Variants in THSD7B observed in about 807,000 individuals in gnomAD.
The protein encoded by THSD7B is thrombospondin type-1 domain-containing protein 7B.
Under a neutral mutation model 213.6 loss-of-function variants are expected in THSD7B, and 138 were observed. The observed-to-expected ratio is 0.65, with a 90% CI of 0.56 to 0.74. THSD7B has a LOEUF of 0.74. Ranked by LOEUF, THSD7B falls within the 30% of genes least tolerant of loss-of-function variation. The probability of loss-of-function intolerance (pLI) is 0.00; values close to 1 mark genes in which losing one functional copy is unlikely to be tolerated. For synonymous variants in THSD7B, 742 were observed against 687.0 expected (o/e 1.08, Z -1.25); for missense variants, 1,931 against 1,991.5 (o/e 0.97, Z 0.58).
intron 1 of THSD7B, among the ~76,000 whole-genome samples, chr2:136,823,839 T>C (rs910206793): frequency 1.3e-5 from 2 of 152,232 alleles, no homozygotes; most frequent in Non-Finnish European, 2.9e-5. Context: ...TTTCTTCCTT[T>C]GAATTGTCCC....
intron 2 of THSD7B, among the ~76,000 whole-genome samples, chr2:137,010,435 T>A (rs1686208791): frequency 1.3e-5 from 2 of 152,180 alleles, no homozygotes; most frequent in Admixed American, 1.3e-4. Context: ...ATAACAGTAA[T>A]GTCTACCTCC....
intron 2 of THSD7B, chr2:136,990,800 A>G: frequency 9.0e-6 from 9 of 1,000,696 alleles, no homozygotes; most frequent in Non-Finnish European, 1.3e-5. Context: ...AGGACACGCC[A>G]CAGTGCCTGG....
intron 12 of THSD7B, among the ~76,000 whole-genome samples, chr2:137,365,428 A>G (rs1242163282): frequency 6.6e-6 from 1 of 152,252 alleles, no homozygotes; most frequent in Non-Finnish European, 1.5e-5. Flanking sequence ...GCACAGCAAA[A>G]GAAACTACCA....
chr2:137,450,005 G>A (rs750367892), intron 14 of THSD7B, among the ~76,000 whole-genome samples: 6 of 152,138 alleles, frequency 3.9e-5, no homozygotes, highest in Non-Finnish European at 8.8e-5. Flanking sequence ...AGTTAATCGG[G>A]AAAGGAACAC....
chr2:137,501,250 C>T (rs1679696272), intron 15 of THSD7B, among the ~76,000 whole-genome samples: 1 of 152,042 alleles, frequency 6.6e-6, no homozygotes, highest in African/African-American at 2.4e-5. Context: ...GAAGATTATT[C>T]ACATAGTGAA....
chr2:136,832,313 G>A (rs560360012), intron 1 of THSD7B, among the ~76,000 whole-genome samples: 4 of 152,204 alleles, frequency 2.6e-5, no homozygotes, highest in Admixed American at 2.6e-4. Flanking sequence ...GGAAAAGCTG[G>A]TGGTGTAGTT....
At chr2:137,214,130 C>T (rs1338074643) in intron 7 of THSD7B, among the ~76,000 whole-genome samples, 7 of 151,984 alleles carry the variant, frequency 4.6e-5, no homozygotes, top group Admixed American at 2.6e-4. Context: ...GATAATAACT[C>T]GTTCATTTTT....
At chr2:136,819,759 C>CGAA (rs934295456) in intron 1 of THSD7B, among the ~76,000 whole-genome samples, 8 of 152,106 alleles carry the variant, frequency 5.3e-5, no homozygotes, top group Admixed American at 4.6e-4. Flanking sequence ...AATGCATTTC[C>CGAA]TCTCCCTCCC....
chr2:137,314,635 G>A (rs1684034482), intron 12 of THSD7B, among the ~76,000 whole-genome samples: 1 of 152,132 alleles, frequency 6.6e-6, no homozygotes, highest in Non-Finnish European at 1.5e-5. Flanking sequence ...CATCTTTGTG[G>A]TTTTATCTAC....
intron 1 of THSD7B, among the ~76,000 whole-genome samples, chr2:136,868,454 A>G (rs916171205): frequency 1.3e-5 from 2 of 152,166 alleles, no homozygotes; most frequent in East Asian, 1.9e-4. Flanking sequence ...AGGCTTATAA[A>G]CTTATTATTT....
intron 7 of THSD7B, among the ~76,000 whole-genome samples, chr2:137,229,076 A>G (rs1351940307): frequency 3.3e-5 from 5 of 152,184 alleles, no homozygotes; most frequent in African/African-American, 1.2e-4. Context: ...TACAATGTAT[A>G]TTGGCATTTT....
At chr2:137,279,523 A>G (rs1036781417) in intron 12 of THSD7B, among the ~76,000 whole-genome samples, 2 of 152,284 alleles carry the variant, frequency 1.3e-5, no homozygotes, top group East Asian at 1.9e-4. Context: ...AGCCTGGGTG[A>G]CAGAATAAGA....
At chr2:136,976,707 C>T (rs569322602) in intron 2 of THSD7B, among the ~76,000 whole-genome samples, 3 of 151,708 alleles carry the variant, frequency 2.0e-5, no homozygotes, top group East Asian at 1.9e-4. Context: ...CTGCAAGCTC[C>T]GCCTCCCAGG....
chr2:137,480,325 T>C (rs2105104534), intron 15 of THSD7B, among the ~76,000 whole-genome samples: 1 of 152,324 alleles, frequency 6.6e-6, no homozygotes, highest in South Asian at 2.1e-4. Flanking sequence ...AATAATATAT[T>C]CAGTATATGT....
chr2:137,092,984 C>T (rs1032826620), intron 3 of THSD7B, among the ~76,000 whole-genome samples: 2 of 152,214 alleles, frequency 1.3e-5, no homozygotes, highest in Non-Finnish European at 2.9e-5. Context: ...TTACCAAAAT[C>T]TCTCTGTCAG....
At chr2:136,817,341 T>C (rs1033250314) in intron 1 of THSD7B, among the ~76,000 whole-genome samples, 5 of 151,860 alleles carry the variant, frequency 3.3e-5, no homozygotes, top group African/African-American at 1.2e-4. Flanking sequence ...TAGTTTCTTT[T>C]GCTGTGCAGA....
intron 2 of THSD7B, among the ~76,000 whole-genome samples, chr2:136,920,865 C>T (rs1359804924): frequency 6.6e-6 from 1 of 152,174 alleles, no homozygotes; most frequent in Admixed American, 6.5e-5. Flanking sequence ...GCTGCCCTGG[C>T]TGGGTTATGA....
intron 10 of THSD7B, among the ~76,000 whole-genome samples, chr2:137,267,810 C>A (rs1298189619): frequency 6.6e-6 from 1 of 152,234 alleles, no homozygotes; most frequent in African/African-American, 2.4e-5. Context: ...GTTTTACACA[C>A]ATAGGTGATC....
At chr2:137,391,873 G>A (rs986423998) in intron 12 of THSD7B, among the ~76,000 whole-genome samples, 6 of 152,018 alleles carry the variant, frequency 3.9e-5, no homozygotes, top group Admixed American at 6.6e-5. Context: ...CTTGATGTGG[G>A]CATTTAATGC....
Sources: allele counts gnomAD v4.1 joint callset (sites outside exome capture counted in the v4.1 genomes callset), GRCh38; gene constraint gnomAD v4.1.1; transcripts MANE v1.5; gene names NCBI Gene and HGNC (gene_info 2026-07-23, HGNC 2026-07-21).